Variants in SEMA3E observed in about 807,000 individuals in gnomAD.
The protein encoded by SEMA3E is semaphorin-3E.
SEMA3E carries 49 observed loss-of-function variants against 93.6 expected under a neutral mutation model. That is an observed-to-expected ratio of 0.52 (90% CI 0.42 to 0.66). The LOEUF is 0.66. Among genes scored for constraint, SEMA3E ranks in the 30% least tolerant of loss-of-function variants. The pLI, the probability that SEMA3E is intolerant of heterozygous loss-of-function variation, is 0.00. For synonymous variants in SEMA3E, 363 were observed against 330.7 expected (o/e 1.10, Z -1.06); for missense variants, 906 against 964.8 (o/e 0.94, Z 0.81).
intron 1 of SEMA3E, among the ~76,000 whole-genome samples, chr7:83,509,988 G>A (rs1229823964): frequency 6.6e-6 from 1 of 152,100 alleles, no homozygotes; most frequent in Non-Finnish European, 1.5e-5. Flanking sequence ...AAATAAAACT[G>A]ACCACTACTA....
At chr7:83,398,741 C>G (rs1042265746) in intron 11 of SEMA3E, among the ~76,000 whole-genome samples, 9 of 151,994 alleles carry the variant, frequency 5.9e-5, no homozygotes, top group Admixed American at 3.9e-4. Context: ...GTCAGGAGTT[C>G]GAGACCAGCC....
intron 1 of SEMA3E, among the ~76,000 whole-genome samples, chr7:83,562,578 T>C (rs540101320): frequency 6.6e-6 from 1 of 151,774 alleles, no homozygotes; most frequent in African/African-American, 2.4e-5. Flanking sequence ...CCCCTAGCTA[T>C]TCCCTGAAAT....
chr7:83,436,073 A>G (rs1167577786), intron 4 of SEMA3E, among the ~76,000 whole-genome samples: 1 of 152,112 alleles, frequency 6.6e-6, no homozygotes, highest in Non-Finnish European at 1.5e-5. Flanking sequence ...TAATATCAAT[A>G]CTATATTTGG....
chr7:83,483,777 T>G (rs1790196131), intron 2 of SEMA3E, among the ~76,000 whole-genome samples: 1 of 152,152 alleles, frequency 6.6e-6, no homozygotes, highest in African/African-American at 2.4e-5. Flanking sequence ...ACAATAGATT[T>G]GGTGATGGGA....
chr7:83,546,332 G>C (rs993275255), intron 1 of SEMA3E, among the ~76,000 whole-genome samples: 8 of 100,182 alleles, frequency 8.0e-5, no homozygotes, highest in African/African-American at 5.2e-4. Context: ...GTGTGTGTGT[G>C]TGTGTGTGTG....
intron 1 of SEMA3E, among the ~76,000 whole-genome samples, chr7:83,647,350 A>G (rs1367354139): frequency 1.3e-5 from 2 of 152,176 alleles, no homozygotes; most frequent in Admixed American, 6.5e-5. Flanking sequence ...ACCTGTACTT[A>G]GAAAATACAA....
intron 1 of SEMA3E, among the ~76,000 whole-genome samples, chr7:83,608,926 C>T (rs1793187604): frequency 6.6e-6 from 1 of 152,054 alleles, no homozygotes. Flanking sequence ...CATAGAATTT[C>T]ATTCATTTGA....
chr7:83,411,990 C>A (rs369584824), intron 5 of SEMA3E, among the ~76,000 whole-genome samples: 5 of 152,264 alleles, frequency 3.3e-5, no homozygotes, highest in African/African-American at 1.2e-4. Flanking sequence ...CAAGCCAAGT[C>A]TCTAGCTCAA....
At chr7:83,542,430 T>C (rs910929620) in intron 1 of SEMA3E, among the ~76,000 whole-genome samples, 1 of 152,164 alleles carries the variant, frequency 6.6e-6, no homozygotes, top group Non-Finnish European at 1.5e-5. Context: ...TTGTATTCAT[T>C]GAAAGTGAAT....
Position 83,466,473 on chromosome 7 carries a change from A to G in SEMA3E, c.456+9T>C, listed in dbSNP as rs773296613. 1.9e-6 allele frequency: 3 copies of G among 1,613,852 alleles called. No homozygotes were observed. The highest frequency in any genetic ancestry group is 1.3e-5 in the African/African-American group (1 of 75,034). On this transcript the variant is annotated intron_variant, in intron 4 of 16. Transcript: ENST00000643230. ...GTTTTTATTGACAGCAATGAATGAA[A>G]CATCTTACCTCCAAATGATATCCAA...
chr7:83,399,429 T>C (rs979198920), intron 11 of SEMA3E, among the ~76,000 whole-genome samples: 5 of 152,212 alleles, frequency 3.3e-5, no homozygotes, highest in Non-Finnish European at 7.3e-5. Flanking sequence ...GCCTGCTTGG[T>C]ACAAATGGTT....
intron 5 of SEMA3E, among the ~76,000 whole-genome samples, chr7:83,409,024 G>A (rs564484037): frequency 1.3e-5 from 2 of 152,124 alleles, no homozygotes; most frequent in African/African-American, 2.4e-5. Flanking sequence ...AATCCAATCA[G>A]TTGTCATTCA....
intron 1 of SEMA3E, among the ~76,000 whole-genome samples, chr7:83,599,877 T>A (rs1187786058): frequency 6.6e-6 from 1 of 152,222 alleles, no homozygotes; most frequent in East Asian, 1.9e-4. Context: ...AGACCGTGTT[T>A]GAAATGTTAG....
intron 1 of SEMA3E, among the ~76,000 whole-genome samples, chr7:83,628,953 C>A: frequency 6.6e-6 from 1 of 152,094 alleles, no homozygotes; most frequent in South Asian, 2.1e-4. Flanking sequence ...GGTTGGTGAC[C>A]TTCAGATGGA....
chr7:83,422,747 T>C (rs1365724614), intron 4 of SEMA3E, among the ~76,000 whole-genome samples: 2 of 152,226 alleles, frequency 1.3e-5, no homozygotes, highest in Non-Finnish European at 2.9e-5. Flanking sequence ...ACACCTTATA[T>C]AGTAAAATTG....
chr7:83,409,128 T>C (rs775369919), intron 5 of SEMA3E, among the ~76,000 whole-genome samples: 37 of 152,164 alleles, frequency 2.4e-4, no homozygotes, highest in Non-Finnish European at 2.8e-4. Context: ...GGAAGTTAGT[T>C]GCAACATGTG....
intron 1 of SEMA3E, among the ~76,000 whole-genome samples, chr7:83,510,469 T>C (rs1232868455): frequency 6.6e-6 from 1 of 152,184 alleles, no homozygotes; most frequent in African/African-American, 2.4e-5. Flanking sequence ...GGTGGAGTAA[T>C]ACAATATTGC....
At chr7:83,605,886 G>A (rs575061015) in intron 1 of SEMA3E, among the ~76,000 whole-genome samples, 12 of 152,112 alleles carry the variant, frequency 7.9e-5, no homozygotes, top group Admixed American at 5.2e-4. Context: ...TTTTTCTCCC[G>A]TTCTGTAGGT....
intron 1 of SEMA3E, among the ~76,000 whole-genome samples, chr7:83,543,956 T>C (rs907341289): frequency 6.6e-6 from 1 of 152,078 alleles, no homozygotes; most frequent in Non-Finnish European, 1.5e-5. Context: ...TCTTTATTCA[T>C]TATATTTTTG....
Sources: gnomAD v4.1 joint callset for allele counts (sites outside exome capture counted in the v4.1 genomes callset) on GRCh38, gnomAD v4.1.1 for gene constraint, MANE v1.5 for transcripts, NCBI Gene and HGNC (gene_info 2026-07-23, HGNC 2026-07-21) for gene names.